Variants in TRAF3IP2 observed in about 807,000 individuals in gnomAD.
TRAF3IP2 encodes the protein E3 ubiquitin ligase TRAF3IP2.
In TRAF3IP2, 35 loss-of-function variants were observed where a neutral mutation model predicts 57.9. The ratio of observed to expected loss-of-function variants is 0.60; its 90% CI spans 0.46 to 0.80. The LOEUF (loss-of-function observed/expected upper bound fraction) is 0.80. Ranked by LOEUF, TRAF3IP2 falls within the 30% of genes least tolerant of loss-of-function variation. The probability of loss-of-function intolerance (pLI) is 0.00; values close to 1 mark genes in which losing one functional copy is unlikely to be tolerated. For missense variants in TRAF3IP2, 556 were observed against 706.4 expected (o/e 0.79, Z 2.41); for synonymous variants, 251 against 268.9 (o/e 0.93, Z 0.65).
Position 111,555,477 on chromosome 6 carries a change from A to ATACTT in TRAF3IP2, c.*3923_*3927dup, listed in dbSNP as rs1462027645. Among the ~76,000 whole-genome samples the ATACTT allele has an allele frequency of 6.6e-6, 1 of 152,224 alleles. No individual in the cohort carries two copies. Among genetic ancestry groups the ATACTT allele is most frequent in the Non-Finnish European group, 1.5e-5 (1 of 68,030 alleles). ...ACTGAGCTGAGAAATAGCTAGTCTA[A>ATACTT]TACTTTGATTGTAGCCATGTACTGA... is the stretch of plus-strand genomic sequence containing the variant. On this transcript the variant is annotated 3_prime_UTR_variant, in exon 9 of 9. Transcript: ENST00000368761.
At chr6:111,598,141 C>A (rs866918041) in intron 1 of TRAF3IP2, 48 of 281,484 alleles carry the variant, frequency 1.7e-4, no homozygotes, top group South Asian at 5.8e-4. Flanking sequence ...AATACAGAGC[C>A]CAGGCCCCAC....
intron 2 of TRAF3IP2, among the ~76,000 whole-genome samples, chr6:111,580,867 C>T (rs1583230806): frequency 6.6e-6 from 1 of 152,216 alleles, no homozygotes; most frequent in African/African-American, 2.4e-5. Context: ...CGTGCGCGCA[C>T]ACACACACCC....
chr6:111,594,619 T>G, intron 1 of TRAF3IP2: 3 of 385,036 alleles, frequency 7.8e-6, no homozygotes, highest in Non-Finnish European at 1.6e-5. Flanking sequence ...ATTCTTCAGT[T>G]AAAACTGCTC....
At chr6:111,587,114 A>C (rs1484131932) in intron 2 of TRAF3IP2, 7 of 152,208 alleles carry the variant, frequency 4.6e-5, no homozygotes, top group African/African-American at 1.7e-4. Context: ...GATGGGAGCC[A>C]GGGCCAAGGG....
chr6:111,571,705 T>G (rs1795837211), intron 5 of TRAF3IP2, among the ~76,000 whole-genome samples: 1 of 152,032 alleles, frequency 6.6e-6, no homozygotes, highest in African/African-American at 2.4e-5. Flanking sequence ...GGTTGGCAGA[T>G]CATGAGGTCA....
intron 1 of TRAF3IP2, chr6:111,601,921 A>G (rs1459226638): frequency 6.6e-6 from 1 of 152,196 alleles, no homozygotes; most frequent in Non-Finnish European, 1.5e-5. Flanking sequence ...GCAAACTTTC[A>G]TAACACTGGT....
chr6:111,555,476 A>C lies in TRAF3IP2; in HGVS notation c.*3929T>G, dbSNP rs1795208697. 2.0e-5 allele frequency among the ~76,000 whole-genome samples: 3 copies of C among 152,228 alleles called. No individual in the cohort carries two copies. Among genetic ancestry groups the C allele is most frequent in the Admixed American group, 2.0e-4 (3 of 15,276 alleles). On this transcript the variant is annotated 3_prime_UTR_variant, in exon 9 of 9. Transcript: ENST00000368761. ...CACTGAGCTGAGAAATAGCTAGTCT[A>C]ATACTTTGATTGTAGCCATGTACTG...
chr6:111,566,337 C>T (rs1006797019), intron 7 of TRAF3IP2, 107 bp downstream of exon 7: 1 of 898,178 alleles, frequency 1.1e-6, no homozygotes, highest in African/African-American at 1.7e-5. Flanking sequence ...GCTCTTCACC[C>T]AGCATCATGC....
In TRAF3IP2 at chr6:111,572,952, T is replaced by C; in HGVS notation, c.1233A>G (p.Thr411=). Residue 411 remains threonine, a synonymous_variant, in exon 5 of 9, where the codon ACA becomes ACG. Coordinates refer to ENST00000368761, the MANE Select transcript of TRAF3IP2 (RefSeq NM_147686.4). ...RKVFITYSMD[T]AMEVVKFVNF... is the part of the protein sequence containing the mutation. ...TCACGAATTTCACCACCTCCATAGC[T>C]GTGTCCATCGAATAAGTGATAAAGA... 6.2e-7 allele frequency: 1 copy of C among 1,614,084 alleles called. No homozygotes were observed. Among genetic ancestry groups the C allele is most frequent in the South Asian group, 1.1e-5 (1 of 91,072 alleles).
intron 3 of TRAF3IP2, among the ~76,000 whole-genome samples, chr6:111,579,646 C>T (rs570974224): frequency 6.6e-6 from 1 of 151,098 alleles, no homozygotes; most frequent in Non-Finnish European, 1.5e-5. Context: ...GTGGGAGGAT[C>T]GCTTGAACCT....
At chr6:111,583,726 T>C (rs1177329903) in intron 2 of TRAF3IP2, among the ~76,000 whole-genome samples, 3 of 152,210 alleles carry the variant, frequency 2.0e-5, no homozygotes, top group African/African-American at 4.8e-5. Flanking sequence ...GCACAATAAA[T>C]GTAATGCACT....
chr6:111,561,397 A>G (rs946712191), intron 8 of TRAF3IP2, among the ~76,000 whole-genome samples: 29 of 152,118 alleles, frequency 1.9e-4, no homozygotes, highest in African/African-American at 7.0e-4. Flanking sequence ...CCGAGATCAC[A>G]CCACTACACT....
chr6:111,587,772 G>C (rs1796385241), intron 2 of TRAF3IP2, among the ~76,000 whole-genome samples: 1 of 152,148 alleles, frequency 6.6e-6, no homozygotes, highest in South Asian at 2.1e-4. Context: ...ATGTCAGAAT[G>C]TGTATTCAGT....
chr6:111,575,721 G>A lies in TRAF3IP2; in HGVS notation c.1123C>T (p.Pro375Ser). The A allele has an allele frequency of 6.2e-7, 1 of 1,612,842 alleles. No homozygotes were observed. Among genetic ancestry groups the A allele is most frequent in the Non-Finnish European group, 8.5e-7 (1 of 1,179,630 alleles). Residue 375 changes from proline to serine, a missense_variant, in exon 4 of 9, where the codon CCA becomes TCA. Coordinates refer to ENST00000368761, the MANE Select transcript of TRAF3IP2 (RefSeq NM_147686.4). ...LRPQVPQPPS[P>S]AAVPRPPSNP... is the part of the protein sequence containing the mutation. ...CTAGGGGGTCTAGGCACAGCAGCTG[G>A]GGACGGAGGCTGGGGAACCTGTGGT...
intron 6 of TRAF3IP2, chr6:111,567,088 C>T (rs557265725): frequency 3.1e-4 from 253 of 804,420 alleles, no homozygotes; most frequent in Non-Finnish European, 3.7e-4. Flanking sequence ...CTGGCTCCCT[C>T]CAAAAGAAGC....
chr6:111,603,400 T>C (rs962363430), intron 1 of TRAF3IP2, among the ~76,000 whole-genome samples: 1 of 152,240 alleles, frequency 6.6e-6, no homozygotes, highest in African/African-American at 2.4e-5. Flanking sequence ...GGTCATTTCA[T>C]TGGATCTGAA....
chr6:111,570,800 A>G (rs1236861018), intron 5 of TRAF3IP2, among the ~76,000 whole-genome samples: 1 of 152,130 alleles, frequency 6.6e-6, no homozygotes, highest in Non-Finnish European at 1.5e-5. Context: ...TCCTGGGCTC[A>G]AGTGATCCTC....
chr6:111,567,828 G>T (rs1424556009), intron 5 of TRAF3IP2, 136 bp from the exon 6 acceptor site: 3 of 549,570 alleles, frequency 5.5e-6, no homozygotes, highest in South Asian at 4.6e-5. Flanking sequence ...GAGCACATAG[G>T]TCTAAAAAAC....
chr6:111,572,842 C>G (rs531301476), intron 5 of TRAF3IP2, 53 bp downstream of exon 5: 1 of 1,356,062 alleles, frequency 7.4e-7, no homozygotes, highest in East Asian at 2.3e-5. Flanking sequence ...CTGCTTTTCT[C>G]TCCATTGTAC....
Sources: allele counts gnomAD v4.1 joint callset (sites outside exome capture counted in the v4.1 genomes callset), GRCh38; gene constraint gnomAD v4.1.1; transcripts MANE v1.5; gene names NCBI Gene and HGNC (gene_info 2026-07-23, HGNC 2026-07-21).